AGBL1: variants seen among roughly 807,000 people sequenced by gnomAD.
The protein encoded by AGBL1 is AGBL carboxypeptidase 1.
A neutral mutation model predicts 118.9 loss-of-function variants in AGBL1; 130 were observed. That is an observed-to-expected ratio of 1.09 (90% confidence interval 0.95 to 1.26). The LOEUF is 1.26. AGBL1 is among the 50% of genes most tolerant of loss of function. The probability of loss-of-function intolerance (pLI) is 0.00; values close to 1 mark genes in which losing one functional copy is unlikely to be tolerated. For synonymous variants in AGBL1, 555 were observed against 478.9 expected (o/e 1.16, Z -2.08); for missense variants, 1,584 against 1,298.1 (o/e 1.22, Z -3.38).
intron 22 of AGBL1, among the ~76,000 whole-genome samples, chr15:86,754,129 A>C (rs185691290): frequency 6.6e-6 from 1 of 152,130 alleles, no homozygotes; most frequent in Non-Finnish European, 1.5e-5. Context: ...CTCTAACTAT[A>C]ATATATTTTA....
At chr15:86,476,455 A>C (rs1374566498) in intron 18 of AGBL1, among the ~76,000 whole-genome samples, 1 of 152,218 alleles carries the variant, frequency 6.6e-6, no homozygotes, top group Non-Finnish European at 1.5e-5. Flanking sequence ...AACAGACTTT[A>C]AACCAACAAA....
At position 86,461,985 on chromosome 15, in the gene AGBL1, T is replaced by A. The variant is rs537265854; in HGVS notation, c.2556-60825T>A. Reference sequence around the variant, plus strand: ...ACCCCTCCCTGCCTCACGCAGCCCATACAAATTCTTAGCTCTGTGGTATTC... The same window carrying A: ...ACCCCTCCCTGCCTCACGCAGCCCAAACAAATTCTTAGCTCTGTGGTATTC... On this transcript the variant is annotated intron_variant, in intron 18 of 22. Coordinates refer to ENST00000614907, the MANE Select transcript of AGBL1 (RefSeq NM_001386094.1). Among the ~76,000 whole-genome samples the A allele has an allele frequency of 6.6e-5, 10 of 152,294 alleles. 1 individual carries two copies. The South Asian group carries it at 2.1e-3, about 32-fold the overall frequency.
At chr15:86,413,497 T>C (rs2081649538) in intron 18 of AGBL1, among the ~76,000 whole-genome samples, 1 of 152,174 alleles carries the variant, frequency 6.6e-6, no homozygotes, top group South Asian at 2.1e-4. Flanking sequence ...CAACAGTCTA[T>C]AAGTGGTCCC....
chr15:86,137,565 C>T (rs2076905776), intron 1 of AGBL1, among the ~76,000 whole-genome samples: 1 of 152,088 alleles, frequency 6.6e-6, no homozygotes, highest in South Asian at 2.1e-4. Context: ...CGGCAATGTC[C>T]AAACACAGGA....
intron 22 of AGBL1, among the ~76,000 whole-genome samples, chr15:86,867,060 C>A (rs919836348): frequency 2.6e-5 from 4 of 151,986 alleles, no homozygotes; most frequent in East Asian, 3.9e-4. Flanking sequence ...GTGGCTGTGG[C>A]ATGGAGTTTG....
At chr15:86,463,159 T>C (rs2082354727) in intron 18 of AGBL1, among the ~76,000 whole-genome samples, 1 of 152,232 alleles carries the variant, frequency 6.6e-6, no homozygotes, top group Admixed American at 6.5e-5. Context: ...TATCTCATTG[T>C]GGTTTTGATT....
chr15:86,421,732 G>C (rs929531567), intron 18 of AGBL1, among the ~76,000 whole-genome samples: 5 of 152,128 alleles, frequency 3.3e-5, no homozygotes, highest in Non-Finnish European at 7.3e-5. Flanking sequence ...ACACACATAG[G>C]CTCAAAATAC....
chr15:86,212,227 A>T (rs1259402111), intron 5 of AGBL1, among the ~76,000 whole-genome samples: 1 of 152,230 alleles, frequency 6.6e-6, no homozygotes, highest in Non-Finnish European at 1.5e-5. Flanking sequence ...TAAAGATTAT[A>T]TTTGCTGTCC....
intron 1 of AGBL1, among the ~76,000 whole-genome samples, chr15:86,130,656 A>G (rs1033551018): frequency 6.6e-6 from 1 of 152,218 alleles, no homozygotes; most frequent in African/African-American, 2.4e-5. Context: ...TGCTTGGTAT[A>G]GATTTTTTTC....
At chr15:86,334,850 A>G (rs1456294639) in intron 17 of AGBL1, among the ~76,000 whole-genome samples, 1 of 152,226 alleles carries the variant, frequency 6.6e-6, no homozygotes, top group Admixed American at 6.5e-5. Flanking sequence ...GCTCAGAAAT[A>G]ATGCCATTGA....
chr15:86,452,084 C>T (rs867805346), intron 18 of AGBL1, among the ~76,000 whole-genome samples: 8 of 152,044 alleles, frequency 5.3e-5, no homozygotes, highest in Non-Finnish European at 8.8e-5. Context: ...TAGCTTTGCC[C>T]GGACACATTA....
At chr15:86,902,261 C>T (rs1183610880) in intron 22 of AGBL1, among the ~76,000 whole-genome samples, 1 of 152,128 alleles carries the variant, frequency 6.6e-6, no homozygotes, top group African/African-American at 2.4e-5. Flanking sequence ...TATCTCCTCT[C>T]CAGCATTTGG....
At chr15:86,716,540 T>C (rs2086641199) in intron 22 of AGBL1, among the ~76,000 whole-genome samples, 1 of 152,090 alleles carries the variant, frequency 6.6e-6, no homozygotes, top group Admixed American at 6.5e-5. Context: ...ATATTAAAGA[T>C]AACCAACTGA....
At chr15:86,585,200 C>A (rs1414904624) in intron 21 of AGBL1, among the ~76,000 whole-genome samples, 1 of 152,034 alleles carries the variant, frequency 6.6e-6, no homozygotes, top group Non-Finnish European at 1.5e-5. Context: ...ATTGCTCTGG[C>A]TAGTACTTCC....
intron 17 of AGBL1, among the ~76,000 whole-genome samples, chr15:86,308,692 T>G (rs2079876779): frequency 6.6e-6 from 1 of 152,224 alleles, no homozygotes; most frequent in Non-Finnish European, 1.5e-5. Context: ...CTTTCCCCAT[T>G]GTGTACTCTT....
chr15:86,795,528 C>A (rs1209725186), intron 22 of AGBL1, among the ~76,000 whole-genome samples: 1 of 151,638 alleles, frequency 6.6e-6, no homozygotes, highest in Non-Finnish European at 1.5e-5. Context: ...GTGACACTGC[C>A]CTTCCTCATC....
chr15:86,368,198 C>T (rs182051678), intron 17 of AGBL1, among the ~76,000 whole-genome samples: 2 of 152,012 alleles, frequency 1.3e-5, no homozygotes, highest in East Asian at 1.9e-4. Context: ...TAAAGAGCTC[C>T]CTAATATTTC....
intron 20 of AGBL1, among the ~76,000 whole-genome samples, chr15:86,546,625 AC>A (rs1249343937): frequency 2.0e-5 from 3 of 152,308 alleles, no homozygotes; most frequent in African/African-American, 7.2e-5. Flanking sequence ...AAGCCATTAA[AC>A]CATCTACATC....
chr15:86,832,696 A>G (rs2079121994), intron 22 of AGBL1, among the ~76,000 whole-genome samples: 1 of 152,222 alleles, frequency 6.6e-6, no homozygotes, highest in Admixed American at 6.5e-5. Flanking sequence ...GGTCAAAGCC[A>G]TTCAACAAAG....
Sources: gnomAD v4.1 joint callset for allele counts (sites outside exome capture counted in the v4.1 genomes callset) on GRCh38, gnomAD v4.1.1 for gene constraint, MANE v1.5 for transcripts, NCBI Gene and HGNC (gene_info 2026-07-23, HGNC 2026-07-21) for gene names.